Variants in NELFB observed in about 807,000 individuals in gnomAD.
NELFB encodes negative elongation factor complex member B, also known as negative elongation factor B.
In NELFB, 34 loss-of-function variants were observed where a neutral mutation model predicts 60.2. That is an observed-to-expected ratio of 0.56 (90% CI 0.43 to 0.75). NELFB has a LOEUF of 0.75. Among genes scored for constraint, NELFB ranks in the 30% least tolerant of loss-of-function variants. The pLI is 0.00. For missense variants in NELFB, 770 were observed against 831.6 expected, an observed-to-expected ratio of 0.93 and a Z score of 0.91; for synonymous variants, 459 against 382.1, an observed-to-expected ratio of 1.20 and a Z score of -2.35.
chr9:137,272,950 G>A lies in NELFB; in HGVS notation c.*22G>A. 1.3e-6 allele frequency: 2 copies of A among 1,489,320 alleles called. No individual in the cohort carries two copies. The highest frequency in any genetic ancestry group is 9.0e-7 in the Non-Finnish European group (1 of 1,115,206). The allele number at this position is 1,489,320 out of a possible 1,614,324, so 92.3% of individuals were successfully genotyped here. A position where few individuals can be genotyped will look rare whatever the true frequency, so the allele number is the denominator to read the frequency against. On this transcript the variant is annotated 3_prime_UTR_variant, in exon 13 of 13. Coordinates refer to ENST00000343053, the MANE Select transcript of NELFB (RefSeq NM_015456.5). ...CTGAGGGCCCTCCAGACCTGCTCGG[G>A]TGCTGGGGCCATGCCGAGTCGCGGC...
In NELFB at chr9:137,269,321, C is replaced by T. The variant is rs898089970; in HGVS notation, c.1489+1975C>T. Reference sequence around the variant, plus strand: ...GCAGACATGACCTCCTGGGCTTCTGCGGGTGCCAACACTGCCGCTCCTTCT... The same window carrying T: ...GCAGACATGACCTCCTGGGCTTCTGTGGGTGCCAACACTGCCGCTCCTTCT... On this transcript the variant is annotated intron_variant, in intron 10 of 12. Coordinates refer to ENST00000343053, the MANE Select transcript of NELFB (RefSeq NM_015456.5). The surrounding 1 kb of genome is among the most constrained non-coding windows in gnomAD (Gnocchi z 5.3). Among the ~76,000 whole-genome samples, 12 of 152,112 alleles carry T rather than the reference C, an allele frequency of 7.9e-5. No homozygotes were observed. The highest frequency in any genetic ancestry group is 6.6e-5 in the Admixed American group (1 of 15,266).
At position 137,255,972 on chromosome 9, in the gene NELFB, G is replaced by A. The variant is rs1313335875; in HGVS notation, c.312G>A (p.Thr104=). Residue 104 remains threonine, a synonymous_variant, in exon 2 of 13, where the codon ACG becomes ACA. Coordinates refer to ENST00000343053, the MANE Select transcript of NELFB (RefSeq NM_015456.5). ...TCCCCTTCTTGGACCTGCACGGGACGCCGCGGCTGGAGTTCCACCAGTCGG... is the reference window on the plus strand; with the variant it reads ...TCCCCTTCTTGGACCTGCACGGGACACCGCGGCTGGAGTTCCACCAGTCGG... 6.2e-7 allele frequency: 1 copy of A among 1,613,964 alleles called. No homozygotes were observed. Among genetic ancestry groups the A allele is most frequent in the East Asian group, 2.2e-5 (1 of 44,880 alleles).
chr9:137,267,177 G>C, intron 9 of NELFB, 63 bp from the exon 10 acceptor site: 10 of 1,604,614 alleles, frequency 6.2e-6, no homozygotes, highest in East Asian at 2.3e-5. Flanking sequence ...GGCAGGGGTC[G>C]GTGTGGGGCT....
At chr9:137,264,613 G>A (rs1213996775) in intron 6 of NELFB, among the ~76,000 whole-genome samples, 7 of 152,128 alleles carry the variant, frequency 4.6e-5, no homozygotes, top group Admixed American at 2.0e-4. Flanking sequence ...TTACAGGCAC[G>A]CGCCACTGCG....
At position 137,267,268 on chromosome 9, in the gene NELFB, G is replaced by A. The variant is rs1381422718; in HGVS notation, c.1411G>A (p.Glu471Lys). 16 of 1,613,420 alleles carry A rather than the reference G, an allele frequency of 9.9e-6. No individual in the cohort carries two copies. The highest frequency in any genetic ancestry group is 2.2e-5 in the East Asian group (1 of 44,890). Residue 471 changes from glutamate to lysine, a missense_variant, in exon 10 of 13, where the codon GAG (glutamate) becomes AAG (lysine). By Grantham distance (56) the Glu-to-Lys change is moderately conservative. Transcript: ENST00000343053. ...TCTGCAGGAGCAGCGCATGGCCTGC[G>A]AGGTGGGGCTGTACTACGTCCTGCA... is the stretch of plus-strand genomic sequence containing the variant.
rs1289411997 is a variant in NELFB, at chr9:137,256,910, A to G, written c.597A>G (p.Gln199=). The G allele has an allele frequency of 1.9e-6, 3 of 1,614,124 alleles. No individual in the cohort carries two copies. In the African/African-American group the frequency reaches 4.0e-5, roughly 22 times the overall value. ...TGGAGGTGAAGCGGCAGATCTGGCA[A>G]GACAACCAGGCCCTCTTCGGGGACG... Residue 199 remains glutamine, a synonymous_variant, in exon 4 of 13, where the codon CAA becomes CAG. Coordinates refer to ENST00000343053, the MANE Select transcript of NELFB (RefSeq NM_015456.5).
In NELFB at chr9:137,263,052, A is replaced by G; in HGVS notation, c.757A>G (p.Thr253Ala). The G allele has an allele frequency of 6.2e-7, 1 of 1,612,880 alleles. No homozygotes were observed. Among genetic ancestry groups the G allele is most frequent in the Non-Finnish European group, 8.5e-7 (1 of 1,179,070 alleles). Residue 253 changes from threonine to alanine, a missense_variant, in exon 5 of 13, where the codon ACG becomes GCG. By Grantham distance (58) the Thr-to-Ala change is moderately conservative (BLOSUM62 0). Coordinates refer to ENST00000343053, the MANE Select transcript of NELFB (RefSeq NM_015456.5). ...CTTGCTGCAGGTGGTGCAGCGGCTG[A>G]CGCGGATGGTGGGGAAGAACGTGAA... is the stretch of plus-strand genomic sequence containing the variant.
intron 4 of NELFB, among the ~76,000 whole-genome samples, chr9:137,261,352 AAAAAG>A (rs1830441128): frequency 6.8e-6 from 1 of 147,194 alleles, no homozygotes; most frequent in Non-Finnish European, 1.5e-5. Flanking sequence ...AAAAAAAAAA[AAAAAG>A]TAAAAAAAAA....
Position 137,267,082 on chromosome 9 carries a change from A to G in NELFB, c.1378A>G (p.Thr460Ala). 1.9e-6 allele frequency: 3 copies of G among 1,613,960 alleles called. No individual in the cohort carries two copies. In the South Asian group the frequency reaches 3.3e-5, roughly 18 times the overall value. ...TCCAAACACACTTCCCGAAAGCTTC[A>G]CTAAGTACGGGCTGTAGGGCCATGG... Residue 460 changes from threonine (T) to alanine (A), a missense_variant, in exon 9 of 13, where the codon ACT (threonine) becomes GCT (alanine). Transcript: ENST00000343053.
intron 8 of NELFB, 73 bp downstream of exon 8, chr9:137,266,499 G>A (rs935276276): frequency 1.5e-6 from 2 of 1,311,412 alleles, no homozygotes; most frequent in East Asian, 2.4e-5. Flanking sequence ...GGAGGGGGAG[G>A]CGCTAGCAAG....
chr9:137,260,135 C>T (rs1425970157), intron 4 of NELFB, among the ~76,000 whole-genome samples: 3 of 149,462 alleles, frequency 2.0e-5, no homozygotes, highest in East Asian at 2.0e-4. Context: ...CTGCAAGCTC[C>T]GCCTCCCGGG....
At chr9:137,267,430 G>T in intron 10 of NELFB, 84 bp downstream of exon 10, 2 of 1,188,602 alleles carry the variant, frequency 1.7e-6, no homozygotes, top group Admixed American at 2.6e-5. Context: ...GGGCCCCAGG[G>T]CCCCCAGGAG....
rs1287935991 is a variant in NELFB at position 137,272,762 on chromosome 9, C to T, written c.1741-20C>T. 1 of 1,533,782 alleles carries T rather than the reference C, an allele frequency of 6.5e-7. No individual in the cohort carries two copies. On this transcript the variant is annotated intron_variant, in intron 12 of 12. Transcript: ENST00000343053. ...GCCTGCCCATGCGCCTCGCCTGCCC[C>T]ATGGTGTGGTTCCCCGCAGAGCGGA... is the stretch of plus-strand genomic sequence containing the variant.
At chr9:137,258,657 G>A (rs1837596128) in intron 4 of NELFB, among the ~76,000 whole-genome samples, 1 of 151,868 alleles carries the variant, frequency 6.6e-6, no homozygotes, top group Non-Finnish European at 1.5e-5. Context: ...GTTTCACCAT[G>A]TTGACCAGGC....
At position 137,255,999 on chromosome 9, in the gene NELFB, A is replaced by T; in HGVS notation, c.339A>T (p.Val113=). 4.3e-6 allele frequency: 7 copies of T among 1,613,910 alleles called. No individual in the cohort carries two copies. The highest frequency in any genetic ancestry group is 5.9e-6 in the Non-Finnish European group (7 of 1,180,010). ...CGCGGCTGGAGTTCCACCAGTCGGTATTCGATGAGCTGCGGGACAAGCTGC... is the reference window on the plus strand; with the variant it reads ...CGCGGCTGGAGTTCCACCAGTCGGTTTTCGATGAGCTGCGGGACAAGCTGC... The change falls in exon 2 of 13, where the codon GTA becomes GTT. Residue 113 remains valine, a synonymous_variant. Transcript: ENST00000343053.
At chr9:137,259,616 C>G (rs1293337676) in intron 4 of NELFB, among the ~76,000 whole-genome samples, 4 of 151,718 alleles carry the variant, frequency 2.6e-5, no homozygotes, top group Non-Finnish European at 5.9e-5. Flanking sequence ...GCTTGGTCGG[C>G]TTAGTCCTAG....
chr9:137,267,150 G>A (rs1418605521), intron 9 of NELFB, 64 bp downstream of exon 9: 1 of 1,612,158 alleles, frequency 6.2e-7, no homozygotes, highest in African/African-American at 1.3e-5. Context: ...GTTGCCCAGG[G>A]GGCTGCCTCA....
intron 4 of NELFB, among the ~76,000 whole-genome samples, chr9:137,262,612 C>T (rs554456989): frequency 6.6e-6 from 1 of 152,316 alleles, no homozygotes; most frequent in South Asian, 2.1e-4. Context: ...ACTATTCTTG[C>T]ATATTTTGTT....
At chr9:137,263,362 C>T in intron 5 of NELFB, 140 bp downstream of exon 5, 3 of 592,420 alleles carry the variant, frequency 5.1e-6, no homozygotes, top group Non-Finnish European at 8.3e-6. Flanking sequence ...TCCCTCCCTC[C>T]TTCTCCCTTC....
Sources: gnomAD v4.1 joint callset for allele counts (sites outside exome capture counted in the v4.1 genomes callset) on GRCh38, gnomAD v4.1.1 for gene constraint, Gnocchi (gnomAD v3.1) non-coding constraint, MANE v1.5 for transcripts, NCBI Gene and HGNC (gene_info 2026-07-23, HGNC 2026-07-21) for gene names.